SCUBE2: variants seen among roughly 807,000 people sequenced by gnomAD.
The protein encoded by SCUBE2 is signal peptide, CUB and EGF-like domain-containing protein 2.
In SCUBE2, 114 loss-of-function variants were observed where a neutral mutation model predicts 125.9. The ratio of observed to expected loss-of-function variants is 0.91; its 90% CI spans 0.78 to 1.06. SCUBE2 has a LOEUF of 1.06. SCUBE2 is among the 50% of genes least tolerant of loss of function. The pLI is 0.00. For missense variants in SCUBE2, 1,255 were observed against 1,301.8 expected (o/e 0.96, Z 0.55); for synonymous variants, 459 against 492.9 (o/e 0.93, Z 0.91).
At chr11:9,029,430 C>A (rs1339110115) in intron 19 of SCUBE2, among the ~76,000 whole-genome samples, 1 of 152,272 alleles carries the variant, frequency 6.6e-6, no homozygotes, top group Non-Finnish European at 1.5e-5. Flanking sequence ...AACCTTCTCA[C>A]ACCCTCCAGA....
intron 4 of SCUBE2, among the ~76,000 whole-genome samples, chr11:9,073,955 A>T (rs1861008240): frequency 1.3e-5 from 2 of 152,228 alleles, no homozygotes; most frequent in African/African-American, 2.4e-5. Context: ...AGGAAACCAC[A>T]GCACGGAAAG....
At position 9,074,551 on chromosome 11, in the gene SCUBE2, G is replaced by T. The variant is rs911910748; in HGVS notation, c.447C>A (p.Ser149Arg). Residue 149 changes from serine to arginine, a missense_variant, in exon 4 of 23, where the codon AGC becomes AGA. Ser to Arg is a moderately radical substitution (Grantham distance 110). Coordinates refer to ENST00000649792, the MANE Select transcript of SCUBE2 (RefSeq NM_001367977.2). ...ACCCCTCCTTGCAGCAGCACTCATA[G>T]CTCCCCATGACGTTGACACAGGTAT... ...CQHTCVNVMG[S>R]YECCCKEGFF... 10 of 1,614,198 alleles carry T rather than the reference G, an allele frequency of 6.2e-6. No homozygotes were observed. The highest frequency in any genetic ancestry group is 7.6e-6 in the Non-Finnish European group (9 of 1,180,034).
intron 7 of SCUBE2, among the ~76,000 whole-genome samples, chr11:9,061,197 T>C (rs1997627): frequency 2.1e-3 from 319 of 152,302 alleles, no homozygotes; most frequent in African/African-American, 7.2e-3. Flanking sequence ...ATTCATTGAA[T>C]TGTTAGCATC....
intron 14 of SCUBE2, among the ~76,000 whole-genome samples, chr11:9,049,244 T>C (rs993739847): frequency 6.6e-6 from 1 of 152,158 alleles, no homozygotes; most frequent in African/African-American, 2.4e-5. Flanking sequence ...TTTATCATTG[T>C]ATTTATTTCA....
At chr11:9,073,546 A>G (rs1423274135) in intron 4 of SCUBE2, among the ~76,000 whole-genome samples, 7 of 152,216 alleles carry the variant, frequency 4.6e-5, no homozygotes, top group African/African-American at 9.6e-5. Flanking sequence ...CAGGATTAAA[A>G]CAATCTATAA....
intron 2 of SCUBE2, among the ~76,000 whole-genome samples, chr11:9,087,781 T>G (rs1199223678): frequency 6.6e-6 from 1 of 152,212 alleles, no homozygotes; most frequent in African/African-American, 2.4e-5. Flanking sequence ...TGTAACAAAG[T>G]TCATTGTAAA....
chr11:9,078,109 C>A (rs2135883948), intron 3 of SCUBE2, among the ~76,000 whole-genome samples: 1 of 152,336 alleles, frequency 6.6e-6, no homozygotes, highest in East Asian at 1.9e-4. Context: ...AAGAGCAACC[C>A]ATGTGGTATG....
intron 2 of SCUBE2, 67 bp from the exon 3 acceptor site, chr11:9,079,576 C>T (rs942507936): frequency 6.6e-6 from 10 of 1,505,212 alleles, no homozygotes; most frequent in African/African-American, 2.8e-5. Flanking sequence ...TATGCACTTA[C>T]CTCCAGCCAT....
chr11:9,067,842 C>G (rs2135730990), intron 5 of SCUBE2, among the ~76,000 whole-genome samples: 1 of 152,152 alleles, frequency 6.6e-6, no homozygotes, highest in African/African-American at 2.4e-5. Flanking sequence ...TCTTTAAAAA[C>G]AAGCTTACAG....
At chr11:9,046,481 C>T (rs182453791) in intron 16 of SCUBE2, among the ~76,000 whole-genome samples, 2 of 152,234 alleles carry the variant, frequency 1.3e-5, no homozygotes, top group African/African-American at 2.4e-5. Flanking sequence ...TTTTAACTGG[C>T]CACAAAGACT....
intron 4 of SCUBE2, among the ~76,000 whole-genome samples, chr11:9,069,756 G>T (rs1438956699): frequency 6.6e-6 from 1 of 152,164 alleles, no homozygotes; most frequent in South Asian, 2.1e-4. Flanking sequence ...GCTCTCTATT[G>T]CATGCAGGAT....
Position 9,030,957 on chromosome 11 carries a change from G to A in SCUBE2, c.2174-32C>T. On this transcript the variant is annotated intron_variant, in intron 17 of 22. Transcript: ENST00000649792. ...GGACCAATAGCCTTACGTGAGCAAG[G>A]CCTCCAGGCAGACCCTTGCTCCCCA... is the stretch of plus-strand genomic sequence containing the variant. The A allele has an allele frequency of 6.9e-6, 11 of 1,595,458 alleles. 1 individual carries two copies. Among genetic ancestry groups the A allele is most frequent in the Non-Finnish European group, 7.7e-6 (9 of 1,168,430 alleles).
chr11:9,064,933 G>A (rs1440732159), intron 7 of SCUBE2: 1 of 152,074 alleles, frequency 6.6e-6, no homozygotes, highest in African/African-American at 2.4e-5. Context: ...TCTCCAGCTT[G>A]ACCGCTGGAC....
In SCUBE2 at chr11:9,050,790, C is replaced by T; in HGVS notation, c.1535-80G>A. The T allele has an allele frequency of 1.8e-6, 2 of 1,099,598 alleles. 1 individual carries two copies. Among genetic ancestry groups the T allele is most frequent in the Admixed American group, 3.4e-5 (2 of 58,876 alleles). The allele number at this position is 1,099,598 out of a possible 1,614,324, so 68.1% of individuals were successfully genotyped here. On this transcript the variant is annotated intron_variant, in intron 13 of 22. Coordinates refer to ENST00000649792, the MANE Select transcript of SCUBE2 (RefSeq NM_001367977.2). Reference sequence around the variant, plus strand: ...ACCAGATGGGAAGCAGCAAGCTGTCCATTGGTGGCTTCCACCACACACAGC... The same window carrying T: ...ACCAGATGGGAAGCAGCAAGCTGTCTATTGGTGGCTTCCACCACACACAGC...
intron 4 of SCUBE2, among the ~76,000 whole-genome samples, chr11:9,071,948 A>G (rs781512640): frequency 6.6e-6 from 1 of 152,160 alleles, no homozygotes; most frequent in African/African-American, 2.4e-5. Flanking sequence ...GCTTCTCTCC[A>G]GCCTACCCTC....
At position 9,066,826 on chromosome 11, in the gene SCUBE2, T is replaced by C; in HGVS notation, c.644-13A>G. ...TGGTTACAGGTCACTGACAGCAAAATGAATCAATACATAAAGCACTGAGAT... is the reference window on the plus strand; with the variant it reads ...TGGTTACAGGTCACTGACAGCAAAACGAATCAATACATAAAGCACTGAGAT... On this transcript the variant is annotated splice_polypyrimidine_tract_variant and intron_variant, in intron 5 of 22. Coordinates refer to ENST00000649792, the MANE Select transcript of SCUBE2 (RefSeq NM_001367977.2). 1 of 1,592,176 alleles carries C rather than the reference T, an allele frequency of 6.3e-7. No homozygotes were observed.
At chr11:9,035,780 C>T (rs967999691) in intron 16 of SCUBE2, among the ~76,000 whole-genome samples, 6 of 151,948 alleles carry the variant, frequency 3.9e-5, no homozygotes, top group Non-Finnish European at 5.9e-5. Flanking sequence ...ATTATTTCTA[C>T]AATTCAATGT....
At chr11:9,027,701 T>C in intron 19 of SCUBE2, 140 bp from the exon 20 acceptor site, 1 of 721,314 alleles carries the variant, frequency 1.4e-6, no homozygotes, top group Non-Finnish European at 2.3e-6. Flanking sequence ...AATGAGTCTG[T>C]CCTTCCCAGA....
At chr11:9,046,070 G>A (rs12272132) in intron 16 of SCUBE2, among the ~76,000 whole-genome samples, 17,143 of 142,064 alleles carry the variant, frequency 0.12, 1,042 homozygotes, top group Middle Eastern at 0.2. Flanking sequence ...GCAGTGGCAC[G>A]ATCTCGGCTC....
Sources: allele counts gnomAD v4.1 joint callset (sites outside exome capture counted in the v4.1 genomes callset), GRCh38; gene constraint gnomAD v4.1.1; transcripts MANE v1.5; gene names NCBI Gene and HGNC (gene_info 2026-07-23, HGNC 2026-07-21).